AGBL4: variants seen among roughly 807,000 people sequenced by gnomAD.
AGBL4 encodes the protein AGBL carboxypeptidase 4, also known as cytosolic carboxypeptidase 6.
A neutral mutation model predicts 66.4 loss-of-function variants in AGBL4; 58 were observed. The ratio of observed to expected loss-of-function variants is 0.87; its 90% CI spans 0.71 to 1.09. AGBL4 has a LOEUF of 1.09. Ranked by LOEUF, AGBL4 falls within the 50% of genes least tolerant of loss-of-function variation. The pLI is 0.00. For synonymous variants in AGBL4, 234 were observed against 222.9 expected, an observed-to-expected ratio of 1.05 and a Z score of -0.44; for missense variants, 579 against 631.0, an observed-to-expected ratio of 0.92 and a Z score of 0.88.
chr1:49,558,405 C>G (rs1196743542), intron 3 of AGBL4, among the ~76,000 whole-genome samples: 1 of 152,066 alleles, frequency 6.6e-6, no homozygotes, highest in Non-Finnish European at 1.5e-5. Context: ...TGCAGTGGTG[C>G]GATCTCAGCT....
At chr1:48,881,538 G>A (rs945556961) in intron 5 of AGBL4, among the ~76,000 whole-genome samples, 1 of 152,098 alleles carries the variant, frequency 6.6e-6, no homozygotes, top group African/African-American at 2.4e-5. Context: ...GGCACCAAAT[G>A]AAATGTTTTC....
At chr1:48,995,266 C>T (rs921519899) in intron 5 of AGBL4, among the ~76,000 whole-genome samples, 2 of 152,178 alleles carry the variant, frequency 1.3e-5, no homozygotes, top group East Asian at 3.8e-4. Context: ...CCTGTTTTGG[C>T]CTATCACAAC....
chr1:49,434,289 A>G (rs2148660302), intron 3 of AGBL4, among the ~76,000 whole-genome samples: 1 of 152,186 alleles, frequency 6.6e-6, no homozygotes, highest in East Asian at 1.9e-4. Flanking sequence ...TTGGTGGAGC[A>G]AAGGTCTTTG....
intron 4 of AGBL4, among the ~76,000 whole-genome samples, chr1:49,052,112 GAGA>G (rs1644228049): frequency 6.7e-6 from 1 of 148,428 alleles, no homozygotes; most frequent in Non-Finnish European, 1.5e-5. Flanking sequence ...GTGCCTTCTG[GAGA>G]AGGACACCCA....
chr1:49,258,983 G>C (rs944697782), intron 3 of AGBL4, among the ~76,000 whole-genome samples: 2 of 152,220 alleles, frequency 1.3e-5, no homozygotes, highest in African/African-American at 4.8e-5. Context: ...CAAGCCAGAA[G>C]AGAGTGGGGG....
intron 5 of AGBL4, among the ~76,000 whole-genome samples, chr1:49,007,009 G>A (rs878856383): frequency 1.4e-4 from 14 of 101,316 alleles, no homozygotes; most frequent in South Asian, 7.7e-4. Flanking sequence ...CACCAGCAAC[G>A]GAACAAAGCT....
At chr1:49,875,452 C>T in intron 1 of AGBL4, among the ~76,000 whole-genome samples, 1 of 141,172 alleles carries the variant, frequency 7.1e-6, no homozygotes. Flanking sequence ...TGATGGTTTC[C>T]AATTTCATCC....
At chr1:49,328,322 G>T (rs961488695) in intron 3 of AGBL4, among the ~76,000 whole-genome samples, 1 of 152,172 alleles carries the variant, frequency 6.6e-6, no homozygotes, top group Non-Finnish European at 1.5e-5. Flanking sequence ...GTTATAATAA[G>T]TATTAGTGGA....
At chr1:49,935,097 G>C (rs949838843) in intron 1 of AGBL4, among the ~76,000 whole-genome samples, 2 of 152,328 alleles carry the variant, frequency 1.3e-5, no homozygotes, top group African/African-American at 4.8e-5. Context: ...AGGGGTGACA[G>C]ACAGCACCTG....
At chr1:49,855,923 A>C (rs962810821) in intron 1 of AGBL4, among the ~76,000 whole-genome samples, 2 of 152,088 alleles carry the variant, frequency 1.3e-5, no homozygotes, top group African/African-American at 4.8e-5. Context: ...GCAAAATAGA[A>C]TCTAAAAAAA....
At chr1:49,012,975 T>C (rs1337303613) in intron 5 of AGBL4, among the ~76,000 whole-genome samples, 1 of 152,190 alleles carries the variant, frequency 6.6e-6, no homozygotes, top group African/African-American at 2.4e-5. Flanking sequence ...AAAAGCCAGG[T>C]CAGCTCTCTC....
chr1:48,607,386 G>A (rs2148374060), intron 9 of AGBL4, among the ~76,000 whole-genome samples: 1 of 152,254 alleles, frequency 6.6e-6, no homozygotes, highest in Admixed American at 6.5e-5. Context: ...GGGAGGCTGA[G>A]GCGGGCGGAT....
chr1:49,330,472 T>C (rs1645310295), intron 3 of AGBL4, among the ~76,000 whole-genome samples: 1 of 152,158 alleles, frequency 6.6e-6, no homozygotes, highest in Admixed American at 6.5e-5. Context: ...TCCCATGACA[T>C]AAAAGCATTT....
intron 5 of AGBL4, among the ~76,000 whole-genome samples, chr1:48,965,899 C>G (rs902400279): frequency 1.3e-5 from 2 of 152,140 alleles, no homozygotes; most frequent in Non-Finnish European, 2.9e-5. Context: ...GTTGTGATCT[C>G]TTGGCTCATT....
chr1:49,014,066 A>ATCCTCT, intron 5 of AGBL4, among the ~76,000 whole-genome samples: 1 of 152,332 alleles, frequency 6.6e-6, no homozygotes, highest in East Asian at 1.9e-4. Flanking sequence ...AATGCAATAA[A>ATCCTCT]AAAACCCTGA....
chr1:49,908,230 C>T (rs142657567), intron 1 of AGBL4, among the ~76,000 whole-genome samples: 96 of 151,716 alleles, frequency 6.3e-4, no homozygotes, highest in Middle Eastern at 3.4e-3. Flanking sequence ...TTTTAATTAG[C>T]CAGGTGATAC....
At chr1:49,858,060 A>G (rs543372994) in intron 1 of AGBL4, among the ~76,000 whole-genome samples, 10 of 152,170 alleles carry the variant, frequency 6.6e-5, no homozygotes, top group Non-Finnish European at 1.0e-4. Flanking sequence ...GACAGCAGAA[A>G]TGACCAGATA....
chr1:49,245,809 C>G lies in AGBL4; in HGVS notation c.338G>C (p.Gly113Ala). The change falls in exon 4 of 14, where the codon GGG (glycine) becomes GCG (alanine). Residue 113 changes from glycine to alanine, a missense_variant. Physicochemically the swap from Gly to Ala is moderately conservative, Grantham distance 60. Coordinates refer to ENST00000371839, the MANE Select transcript of AGBL4 (RefSeq NM_032785.4). ...GGTAGATTTCACCATAGGGGCCATC[C>G]CATCTCTATAGAGACTCTTGGTTTT... Reference protein sequence around the residue: ...FSKTKSLYRDGMAPMVKSTSR... With the variant: ...FSKTKSLYRDAMAPMVKSTSR... 1.3e-6 allele frequency: 2 copies of G among 1,549,700 alleles called. No homozygotes were observed.
rs569641617 is a variant in AGBL4 at position 49,803,313 on chromosome 1, A to G, written c.157+48083T>C. Among the ~76,000 whole-genome samples, 245 of 152,234 alleles carry G rather than the reference A, an allele frequency of 1.6e-3. 1 individual carries two copies. Among genetic ancestry groups the G allele is most frequent in the African/African-American group, 5.7e-3 (236 of 41,562 alleles). ...CTTGCTCAAGATCATTAGCCTAGTC[A>G]TATAACAGAGTTGAGACTTTAACCC... is the stretch of plus-strand genomic sequence containing the variant. On this transcript the variant is annotated intron_variant, in intron 2 of 13. Transcript: ENST00000371839.
Sources: allele counts gnomAD v4.1 joint callset (sites outside exome capture counted in the v4.1 genomes callset), GRCh38; gene constraint gnomAD v4.1.1; transcripts MANE v1.5; gene names NCBI Gene and HGNC (gene_info 2026-07-23, HGNC 2026-07-21).